The following PGS1 variants were observed in gnomAD, a reference collection of about 807,000 sequenced individuals.
PGS1 encodes phosphatidylglycerophosphate synthase 1.
A neutral mutation model predicts 58.3 loss-of-function variants in PGS1; 44 were observed. The ratio of observed to expected loss-of-function variants is 0.75; its 90% confidence interval spans 0.59 to 0.97. PGS1 has a LOEUF of 0.97. Among genes scored for constraint, PGS1 ranks in the 50% least tolerant of loss-of-function variants. The pLI is 0.00. For missense variants in PGS1, 684 were observed against 731.1 expected (o/e 0.94, Z 0.74); for synonymous variants, 330 against 311.0 (o/e 1.06, Z -0.64).
At chr17:78,414,741 G>T in intron 7 of PGS1, 138 bp from the exon 8 acceptor site, 1 of 934,804 alleles carries the variant, frequency 1.1e-6, no homozygotes, top group Non-Finnish European at 1.6e-6. Context: ...GGTGTGGCCT[G>T]TCCGCCGCTC....
chr17:78,408,799 G>A (rs369784241), intron 7 of PGS1, among the ~76,000 whole-genome samples: 68 of 152,338 alleles, frequency 4.5e-4, no homozygotes, highest in African/African-American at 1.5e-3. Context: ...TCAGTTTCCT[G>A]TTGCCTGGCC....
intron 8 of PGS1, 44 bp from the exon 9 acceptor site, chr17:78,419,502 C>A: frequency 6.4e-7 from 1 of 1,561,348 alleles, no homozygotes; most frequent in African/African-American, 1.4e-5. Context: ...TGGTGTGGTG[C>A]TGGAGGGGAC....
At chr17:78,381,988 C>T (rs1208324858) in intron 1 of PGS1, among the ~76,000 whole-genome samples, 2 of 152,112 alleles carry the variant, frequency 1.3e-5, no homozygotes, top group Admixed American at 1.3e-4. Flanking sequence ...CGCTCAGACC[C>T]ATAAACAATT....
chr17:78,404,270 C>T (rs1423394990), intron 7 of PGS1, among the ~76,000 whole-genome samples, 181 bp downstream of exon 7: 2 of 143,394 alleles, frequency 1.4e-5, no homozygotes, highest in African/African-American at 2.6e-5. Flanking sequence ...CATTCATCTC[C>T]TCAAGGGAAT....
intron 2 of PGS1, among the ~76,000 whole-genome samples, chr17:78,393,011 G>A (rs1047769060): frequency 6.6e-6 from 1 of 151,958 alleles, no homozygotes; most frequent in Non-Finnish European, 1.5e-5. Flanking sequence ...CCCCTGCCTC[G>A]GCCTCCCAAA....
At chr17:78,407,400 G>A (rs2084246684) in intron 7 of PGS1, among the ~76,000 whole-genome samples, 1 of 152,224 alleles carries the variant, frequency 6.6e-6, no homozygotes, top group Non-Finnish European at 1.5e-5. Context: ...TTCCTCCAGG[G>A]CAGCGTGTGT....
chr17:78,420,008 G>T, intron 9 of PGS1: 3 of 1,147,782 alleles, frequency 2.6e-6, no homozygotes, highest in Non-Finnish European at 2.2e-6. Context: ...AGGGATGAGG[G>T]GGCAGAAAGG....
intron 9 of PGS1, chr17:78,423,770 G>C (rs2086199599): frequency 1.7e-6 from 2 of 1,170,762 alleles, no homozygotes; most frequent in African/African-American, 1.5e-5. Flanking sequence ...CGATGTGCTT[G>C]GTTACAAAGC....
In PGS1 at chr17:78,424,193, G is replaced by C. The variant is rs1228097228; in HGVS notation, c.*143G>C. ...TGGCTGAGGGTCAGGTGTGCTGCCA[G>C]TAAGTGAGGGAGGGGCTGGCAGGAA... On this transcript the variant is annotated 3_prime_UTR_variant, in exon 10 of 10. Transcript: ENST00000262764. The C allele has an allele frequency of 1.9e-6, 3 of 1,574,348 alleles. No individual in the cohort carries two copies. The highest frequency in any genetic ancestry group is 2.6e-6 in the Non-Finnish European group (3 of 1,161,116).
chr17:78,378,702 T>A lies in PGS1; in HGVS notation c.37T>A (p.Phe13Ile). Residue 13 changes from phenylalanine to isoleucine, a missense_variant, in exon 1 of 10, where the codon TTC becomes ATC. Physicochemically the swap from Phe to Ile is conservative, Grantham distance 21. Coordinates refer to ENST00000262764, the MANE Select transcript of PGS1 (RefSeq NM_024419.5). ...VAAAAAAGPV[F>I]WRRLLGLLPG... ...GGCGGCAGCTGCGGCGGGACCCGTG[T>A]TCTGGAGGCGACTGCTGGGCCTCCT... is the stretch of plus-strand genomic sequence containing the variant. The A allele has an allele frequency of 3.3e-6, 5 of 1,523,618 alleles. No homozygotes were observed. The highest frequency in any genetic ancestry group is 4.4e-6 in the Non-Finnish European group (5 of 1,142,158). 94.4% of individuals were successfully genotyped at this position (1,523,618 alleles called of 1,614,324 possible). A position where few individuals can be genotyped will look rare whatever the true frequency, so the allele number is the denominator to read the frequency against.
At chr17:78,408,102 C>G (rs367630830) in intron 7 of PGS1, among the ~76,000 whole-genome samples, 1 of 117,510 alleles carries the variant, frequency 8.5e-6, no homozygotes, top group Non-Finnish European at 2.0e-5. Flanking sequence ...CATATTTTAT[C>G]TATCAATCAG....
chr17:78,410,448 C>T (rs1476832483), intron 7 of PGS1, among the ~76,000 whole-genome samples: 1 of 134,480 alleles, frequency 7.4e-6, no homozygotes, highest in African/African-American at 2.7e-5. Context: ...TAAAACAAAA[C>T]CAAAACTTCA....
intron 2 of PGS1, among the ~76,000 whole-genome samples, chr17:78,395,620 TTTGGGGTATCATC>T (rs1220033899): frequency 3.3e-5 from 5 of 152,160 alleles, no homozygotes; most frequent in Non-Finnish European, 5.9e-5. Context: ...TTAGGACTGA[TTTGGGGTATCATC>T]TTGGGGCACT....
Position 78,410,996 on chromosome 17 carries a change from A to AT in PGS1, c.1403-3882dup, listed in dbSNP as rs147071841. On this transcript the variant is annotated intron_variant, in intron 7 of 9. Transcript: ENST00000262764. ...ATAATAAGCAGATGCGTCTCTACAA[A>AT]TATCGGAACGAGCTACGAAGAGCAG... 4.0e-3 allele frequency among the ~76,000 whole-genome samples: 602 copies of AT among 152,274 alleles called. 1 individual carries two copies. Among genetic ancestry groups the AT allele is most frequent in the African/African-American group, 0.013 (531 of 41,554 alleles).
Position 78,424,203 on chromosome 17 carries a change from G to A in PGS1, c.*153G>A. On this transcript the variant is annotated 3_prime_UTR_variant, in exon 10 of 10. Coordinates refer to ENST00000262764, the MANE Select transcript of PGS1 (RefSeq NM_024419.5). ...TCAGGTGTGCTGCCAGTAAGTGAGG[G>A]AGGGGCTGGCAGGAAGGGTGGGGTC... The A allele has an allele frequency of 6.4e-7, 1 of 1,563,778 alleles. No individual in the cohort carries two copies. The highest frequency in any genetic ancestry group is 8.6e-7 in the Non-Finnish European group (1 of 1,156,776).
chr17:78,388,913 G>A (rs1567944599), intron 1 of PGS1, among the ~76,000 whole-genome samples: 1 of 152,200 alleles, frequency 6.6e-6, no homozygotes, highest in Non-Finnish European at 1.5e-5. Flanking sequence ...GTGGGAGGCA[G>A]AGACTGCCTG....
intron 6 of PGS1, among the ~76,000 whole-genome samples, chr17:78,403,051 G>T (rs907414607): frequency 6.6e-6 from 1 of 152,166 alleles, no homozygotes; most frequent in African/African-American, 2.4e-5. Context: ...GTGATGGCTT[G>T]CCCTGTGACC....
At chr17:78,399,597 G>C (rs1315096734) in intron 5 of PGS1, 60 bp downstream of exon 5, 2 of 1,548,884 alleles carry the variant, frequency 1.3e-6, no homozygotes, top group Admixed American at 1.7e-5. Context: ...GAGGGCAGTG[G>C]AATAGGAACA....
At chr17:78,414,792 C>G (rs112154533) in intron 7 of PGS1, 87 bp from the exon 8 acceptor site, 1 of 1,509,012 alleles carries the variant, frequency 6.6e-7, no homozygotes, top group Non-Finnish European at 9.1e-7. Flanking sequence ...GGCAGGCCGC[C>G]TTTCTCTTAG....
Sources: allele counts gnomAD v4.1 joint callset (sites outside exome capture counted in the v4.1 genomes callset), GRCh38; gene constraint gnomAD v4.1.1; transcripts MANE v1.5; gene names NCBI Gene and HGNC (gene_info 2026-07-23, HGNC 2026-07-21).